Variants in SDHAF4 observed in about 807,000 individuals in gnomAD.
SDHAF4 encodes the protein succinate dehydrogenase assembly factor 4, mitochondrial.
In SDHAF4, 14 loss-of-function variants were observed where a neutral mutation model predicts 14.3. The observed-to-expected ratio is 0.98, with a 90% CI of 0.65 to 1.53. SDHAF4 has a LOEUF of 1.53. SDHAF4 is among the 40% of genes most tolerant of loss of function. SDHAF4 has a pLI of 0.00. For missense variants in SDHAF4, 141 were observed against 129.3 expected (o/e 1.09, Z -0.44); for synonymous variants, 63 against 47.3 (o/e 1.33, Z -1.36).
At chr6:70,594,338 T>C (rs1765283462), downstream of SDHAF4, among the ~76,000 whole-genome samples, 1 of 152,222 alleles carries the variant, frequency 6.6e-6, no homozygotes, top group Non-Finnish European at 1.5e-5. Context: ...TTATCCCCAT[T>C]GTAACAGTAT....
chr6:70,582,161 T>C (rs1765139469), intron 2 of SDHAF4, among the ~76,000 whole-genome samples: 1 of 152,106 alleles, frequency 6.6e-6, no homozygotes, highest in African/African-American at 2.4e-5. Context: ...ACCCTCAACC[T>C]CCTGGGGTTC....
At chr6:70,571,381 T>G (rs898637967) in intron 1 of SDHAF4, among the ~76,000 whole-genome samples, 1 of 152,186 alleles carries the variant, frequency 6.6e-6, no homozygotes, top group Non-Finnish European at 1.5e-5. Flanking sequence ...AATTTTCTTC[T>G]ATTATACACT....
chr6:70,581,072 C>G (rs1262178149), intron 2 of SDHAF4, among the ~76,000 whole-genome samples: 3 of 152,064 alleles, frequency 2.0e-5, no homozygotes, highest in Non-Finnish European at 4.4e-5. Context: ...GCTGGGATTA[C>G]AGGCACACCA....
intron 1 of SDHAF4, among the ~76,000 whole-genome samples, chr6:70,568,856 A>G (rs556566962): frequency 3.5e-4 from 54 of 152,172 alleles, no homozygotes; most frequent in Non-Finnish European, 6.3e-4. Flanking sequence ...TTGGCTGCCT[A>G]CAGGGAAATG....
At chr6:70,568,752 A>T (rs1412526264) in intron 1 of SDHAF4, among the ~76,000 whole-genome samples, 1 of 152,040 alleles carries the variant, frequency 6.6e-6, no homozygotes, top group Non-Finnish European at 1.5e-5. Context: ...GCATTTTCTA[A>T]TTCTATAGCA....
At chr6:70,591,519 C>T (rs372082340), downstream of SDHAF4, among the ~76,000 whole-genome samples, 7 of 151,630 alleles carry the variant, frequency 4.6e-5, no homozygotes, top group African/African-American at 1.2e-4. Context: ...TTTGTAGAGA[C>T]GGGGTTTCAT....
intron 1 of SDHAF4, among the ~76,000 whole-genome samples, chr6:70,574,719 C>T (rs1402502801): frequency 6.6e-6 from 1 of 152,036 alleles, no homozygotes; most frequent in Admixed American, 6.6e-5. Flanking sequence ...CACTTGAGTT[C>T]AGGAGTTTAA....
In SDHAF4 at chr6:70,573,264, C is replaced by CTTTTTTTTTTTTTTTT. The variant is rs202098262; in HGVS notation, c.65-6148_65-6133dup. Among the ~76,000 whole-genome samples, 55 of 110,416 alleles carry CTTTTTTTTTTTTTTTT rather than the reference C, an allele frequency of 5.0e-4. 3 individuals carry two copies. The highest frequency in any genetic ancestry group is 7.8e-4 in the African/African-American group (17 of 21,894). 72.4% of individuals were successfully genotyped at this position (110,416 alleles called of 152,430 possible). A position where few individuals can be genotyped will look rare whatever the true frequency, so the allele number is the denominator to read the frequency against. Reference sequence around the variant, plus strand: ...AATTGTATTTATTCTGCTATTTGGCCTTTTTTTTTTTTTTTTTGAGACGGA... The same window carrying CTTTTTTTTTTTTTTTT: ...AATTGTATTTATTCTGCTATTTGGCCTTTTTTTTTTTTTTTTTTTTTTTTTTTTTTTTTGAGACGGA... On this transcript the variant is annotated intron_variant, in intron 1 of 2. Coordinates refer to ENST00000370474, the MANE Select transcript of SDHAF4 (RefSeq NM_145267.3).
chr6:70,593,921 C>T (rs1562060880), downstream of SDHAF4, among the ~76,000 whole-genome samples: 2 of 152,122 alleles, frequency 1.3e-5, no homozygotes, highest in East Asian at 1.9e-4. Flanking sequence ...TCTTGAACTC[C>T]TGACCTCAAG....
chr6:70,582,416 T>C (rs1765141816), intron 2 of SDHAF4, among the ~76,000 whole-genome samples: 1 of 152,216 alleles, frequency 6.6e-6, no homozygotes, highest in African/African-American at 2.4e-5. Flanking sequence ...CATTTATACC[T>C]CTAATCAGAC....
chr6:70,569,079 C>A (rs980482352), intron 1 of SDHAF4, among the ~76,000 whole-genome samples: 3 of 148,372 alleles, frequency 2.0e-5, no homozygotes, highest in Non-Finnish European at 3.0e-5. Context: ...CATTCTCCTG[C>A]CTCAGCCTCC....
chr6:70,590,287 G>GGGAGTGT (rs1765247160), downstream of SDHAF4, among the ~76,000 whole-genome samples: 1 of 152,130 alleles, frequency 6.6e-6, no homozygotes, highest in African/African-American at 2.4e-5. Context: ...TTCAAGAAAG[G>GGGAGTGT]GGAGTGTGGG....
At chr6:70,572,056 G>GTTTTTTTT (rs1802186803) in intron 1 of SDHAF4, among the ~76,000 whole-genome samples, 1 of 61,932 alleles carries the variant, frequency 1.6e-5, no homozygotes, top group Non-Finnish European at 3.3e-5. Flanking sequence ...GTCTTTTTTT[G>GTTTTTTTT]TCTTTTTTTT....
Position 70,588,844 on chromosome 6 carries a change from T to TATATATATAC in SDHAF4, c.*129_*130insCATATATATA. ...GTGTAGTTTGTATAATGTGTTTAAATATATATATATATGATGGCTTTGGAA... is the reference window on the plus strand; with the variant it reads ...GTGTAGTTTGTATAATGTGTTTAAATATATATATACATATATATATATGATGGCTTTGGAA... On this transcript the variant is annotated 3_prime_UTR_variant, in exon 3 of 3. Coordinates refer to ENST00000370474, the MANE Select transcript of SDHAF4 (RefSeq NM_145267.3). 1 of 303,854 alleles carries TATATATATAC rather than the reference T, an allele frequency of 3.3e-6. No homozygotes were observed. Among genetic ancestry groups the TATATATATAC allele is most frequent in the Admixed American group, 4.7e-5 (1 of 21,424 alleles). 18.8% of individuals were successfully genotyped at this position (303,854 alleles called of 1,614,324 possible). A position where few individuals can be genotyped will look rare whatever the true frequency, so the allele number is the denominator to read the frequency against.
At chr6:70,592,426 G>A (rs142114183), downstream of SDHAF4, among the ~76,000 whole-genome samples, 855 of 152,298 alleles carry the variant, frequency 5.6e-3, 3 homozygotes, top group Non-Finnish European at 8.3e-3. Flanking sequence ...TAGAAATATG[G>A]ACAGTAAAGG....
the SDHAF4 span, chr6:70,597,110 C>T: frequency 6.6e-6 from 1 of 152,034 alleles, no homozygotes; most frequent in African/African-American, 2.4e-5. Context: ...GCTGGATATT[C>T]TGCGAGGCTC....
At chr6:70,583,006 A>C (rs1765153019) in intron 2 of SDHAF4, among the ~76,000 whole-genome samples, 1 of 152,246 alleles carries the variant, frequency 6.6e-6, no homozygotes, top group Non-Finnish European at 1.5e-5. Flanking sequence ...AGATAATGTA[A>C]ATAACGATGA....
At chr6:70,578,021 G>A (rs1042567683) in intron 1 of SDHAF4, among the ~76,000 whole-genome samples, 7 of 152,212 alleles carry the variant, frequency 4.6e-5, no homozygotes, top group African/African-American at 1.7e-4. Context: ...GAATAGTGCT[G>A]CAGTGAACAT....
At chr6:70,582,556 C>T (rs543881956) in intron 2 of SDHAF4, among the ~76,000 whole-genome samples, 24 of 152,278 alleles carry the variant, frequency 1.6e-4, no homozygotes, top group African/African-American at 5.8e-4. Flanking sequence ...AACTCACCTT[C>T]GGCCCTCCCA....
Sources: allele counts gnomAD v4.1 joint callset (sites outside exome capture counted in the v4.1 genomes callset), GRCh38; gene constraint gnomAD v4.1.1; transcripts MANE v1.5; gene names NCBI Gene and HGNC (gene_info 2026-07-23, HGNC 2026-07-21).